ROBO2: variants seen among roughly 807,000 people sequenced by gnomAD.
The protein encoded by ROBO2 is roundabout homolog 2.
In ROBO2, 53 loss-of-function variants were observed where a neutral mutation model predicts 160.8. The observed-to-expected ratio is 0.33, with a 90% confidence interval of 0.26 to 0.41. The LOEUF (loss-of-function observed/expected upper bound fraction) is 0.41, where lower values mean the gene tolerates loss of function less well. Among genes scored for constraint, ROBO2 ranks in the 10% least tolerant of loss-of-function variants. The pLI, the probability that ROBO2 is intolerant of heterozygous loss-of-function variation, is 1.00. For missense variants in ROBO2, 1,577 were observed against 1,722.4 expected (o/e 0.92, Z 1.49); for synonymous variants, 664 against 611.7 (o/e 1.09, Z -1.26).
chr3:77,083,100 C>T (rs903018666), intron 1 of ROBO2, among the ~76,000 whole-genome samples: 1 of 152,024 alleles, frequency 6.6e-6, no homozygotes, highest in Admixed American at 6.6e-5. Context: ...CTGCAGTCAG[C>T]GTATTTTTTC....
At chr3:77,333,277 T>G (rs983457464) in intron 2 of ROBO2, among the ~76,000 whole-genome samples, 1 of 152,220 alleles carries the variant, frequency 6.6e-6, no homozygotes, top group African/African-American at 2.4e-5. Flanking sequence ...GCAGACACCT[T>G]AATTAAACCT....
At chr3:77,285,692 A>G (rs574917643) in intron 2 of ROBO2, among the ~76,000 whole-genome samples, 1 of 152,270 alleles carries the variant, frequency 6.6e-6, no homozygotes, top group East Asian at 1.9e-4. Flanking sequence ...TCATTGCGCT[A>G]TTCTCCAAAG....
chr3:76,539,392 G>A (rs2082695897), intron 2 of ROBO2, among the ~76,000 whole-genome samples: 2 of 151,634 alleles, frequency 1.3e-5, no homozygotes, highest in Admixed American at 1.3e-4. Flanking sequence ...CTAGCACGCT[G>A]TCAATAAAGA....
At chr3:76,293,549 G>A (rs1708914327) in intron 2 of ROBO2, among the ~76,000 whole-genome samples, 2 of 152,178 alleles carry the variant, frequency 1.3e-5, no homozygotes, top group South Asian at 4.1e-4. Flanking sequence ...AAATAAGAAT[G>A]AGCAGAACAG....
chr3:77,363,571 A>G (rs569641639), intron 2 of ROBO2, among the ~76,000 whole-genome samples: 1 of 151,744 alleles, frequency 6.6e-6, no homozygotes, highest in South Asian at 2.1e-4. Flanking sequence ...TTTTCTGCTA[A>G]GTTTAGCGTA....
intron 2 of ROBO2, among the ~76,000 whole-genome samples, chr3:76,279,371 T>A (rs1708111342): frequency 6.6e-6 from 1 of 151,940 alleles, no homozygotes; most frequent in South Asian, 2.1e-4. Flanking sequence ...TAACTCCAAG[T>A]GATTCTACAT....
intron 2 of ROBO2, among the ~76,000 whole-genome samples, chr3:76,119,509 T>C (rs1177923062): frequency 6.6e-6 from 1 of 151,912 alleles, no homozygotes; most frequent in African/African-American, 2.4e-5. Context: ...ATATTAATGG[T>C]TTTATATAAT....
At chr3:76,217,987 G>A (rs1271829465) in intron 2 of ROBO2, among the ~76,000 whole-genome samples, 2 of 152,112 alleles carry the variant, frequency 1.3e-5, no homozygotes, top group Admixed American at 6.5e-5. Context: ...CTTCATCCTT[G>A]GGATGCAAGG....
intron 2 of ROBO2, among the ~76,000 whole-genome samples, chr3:76,693,155 GTCTC>G (rs1280533308): frequency 9.0e-5 from 13 of 143,676 alleles, no homozygotes; most frequent in East Asian, 4.2e-4. Context: ...ACATACATAA[GTCTC>G]TCTCTCTATA....
intron 1 of ROBO2, among the ~76,000 whole-genome samples, chr3:77,075,624 T>A (rs776901990): frequency 3.4e-4 from 52 of 151,828 alleles, no homozygotes; most frequent in Non-Finnish European, 6.0e-4. Context: ...GCTATTTTTT[T>A]ATATAGGAGG....
At chr3:76,338,953 G>T (rs187699573) in intron 2 of ROBO2, among the ~76,000 whole-genome samples, 8 of 152,030 alleles carry the variant, frequency 5.3e-5, no homozygotes, top group Non-Finnish European at 5.9e-5. Flanking sequence ...ATGCCTTCAT[G>T]ACTTAAATCT....
Position 77,443,276 on chromosome 3 carries a change from T to C in ROBO2, c.389-34138T>C, listed in dbSNP as rs541662029. The stretch of plus-strand genomic sequence containing the variant: ...TCAAATAATTCTCATACAATGAGGA[T>C]AGGATGGTTATTATTATCTTTTTTT... On this transcript the variant is annotated intron_variant, in intron 2 of 25. Transcript: ENST00000461745. 3.9e-5 allele frequency among the ~76,000 whole-genome samples: 6 copies of C among 152,214 alleles called. No homozygotes were observed. The South Asian group carries it at 1.0e-3, about 26-fold the overall frequency.
chr3:76,054,936 T>C (rs2067784177), intron 2 of ROBO2, among the ~76,000 whole-genome samples: 1 of 152,110 alleles, frequency 6.6e-6, no homozygotes. Context: ...AGTTGATTGA[T>C]TATCAATTTG....
intron 2 of ROBO2, among the ~76,000 whole-genome samples, chr3:75,976,280 C>T (rs544814098): frequency 1.3e-5 from 2 of 151,520 alleles, no homozygotes; most frequent in Admixed American, 1.3e-4. Flanking sequence ...TTCAAAATAG[C>T]CACACACTGG....
intron 2 of ROBO2, among the ~76,000 whole-genome samples, chr3:77,383,560 A>C (rs1160163816): frequency 6.6e-6 from 1 of 152,114 alleles, no homozygotes; most frequent in Non-Finnish European, 1.5e-5. Flanking sequence ...GTTTAGTTGA[A>C]ATTTTAACTA....
At chr3:77,599,381 G>T (rs1249711456) in intron 19 of ROBO2, among the ~76,000 whole-genome samples, 2 of 150,916 alleles carry the variant, frequency 1.3e-5, no homozygotes, top group Non-Finnish European at 2.9e-5. Context: ...TCACTTGGAA[G>T]AATAAGAATG....
In ROBO2 at chr3:77,216,304, G is replaced by A. The variant is rs574009156; in HGVS notation, c.388+117964G>A. On this transcript the variant is annotated intron_variant, in intron 2 of 25. Transcript: ENST00000461745. ...GCGCCCCTCCCCCAGCCTCACTGCC[G>A]CCTTGCAGTTTGACCTCAGACTGCT... Among the ~76,000 whole-genome samples the A allele has an allele frequency of 1.4e-4, 21 of 152,196 alleles. No individual in the cohort carries two copies. In the East Asian group the frequency reaches 2.1e-3, roughly 15 times the overall value.
At chr3:77,042,990 A>G (rs2064247152) in intron 1 of ROBO2, among the ~76,000 whole-genome samples, 1 of 152,168 alleles carries the variant, frequency 6.6e-6, no homozygotes, top group African/African-American at 2.4e-5. Context: ...AAGCAAAGGA[A>G]ACCCTGGACA....
intron 2 of ROBO2, among the ~76,000 whole-genome samples, chr3:77,252,578 C>A (rs556319462): frequency 9.9e-5 from 15 of 151,284 alleles, no homozygotes; most frequent in Admixed American, 6.6e-4. Context: ...GAGGCCGAGG[C>A]GGGCAGATCA....
Sources: allele counts gnomAD v4.1 joint callset (sites outside exome capture counted in the v4.1 genomes callset), GRCh38; gene constraint gnomAD v4.1.1; transcripts MANE v1.5; gene names NCBI Gene and HGNC (gene_info 2026-07-23, HGNC 2026-07-21).